IFT140: variants seen among roughly 807,000 people sequenced by gnomAD.
IFT140 encodes the protein intraflagellar transport protein 140 homolog.
A neutral mutation model predicts 164.6 loss-of-function variants in IFT140; 133 were observed. The observed-to-expected ratio is 0.81, with a 90% CI of 0.70 to 0.93. IFT140 has a LOEUF of 0.93. Ranked by LOEUF, IFT140 falls within the 40% of genes least tolerant of loss-of-function variation. The pLI, the probability that IFT140 is intolerant of heterozygous loss-of-function variation, is 0.00. For missense variants in IFT140, 2,045 were observed against 1,972.3 expected (o/e 1.04, Z -0.70); for synonymous variants, 860 against 817.3 (o/e 1.05, Z -0.89).
At chr16:1,599,800 G>T (rs1158609136) in intron 4 of IFT140, among the ~76,000 whole-genome samples, 1 of 77,366 alleles carries the variant, frequency 1.3e-5, no homozygotes, top group Non-Finnish European at 2.3e-5. Context: ...CCCCCCGCCC[G>T]GCCAGCCGCC....
chr16:1,544,679 C>T (rs959522563), intron 19 of IFT140, among the ~76,000 whole-genome samples: 10 of 151,728 alleles, frequency 6.6e-5, no homozygotes, highest in South Asian at 2.1e-4. Context: ...GATGGAGTCT[C>T]GCCCTGTGGC....
At chr16:1,557,421 C>T (rs1428310593) in intron 19 of IFT140, 1 of 156,320 alleles carries the variant, frequency 6.4e-6, no homozygotes, top group Non-Finnish European at 1.4e-5. Context: ...AGGCCACACC[C>T]TCCTTTTACC....
At chr16:1,605,474 C>T (rs1012340204) in intron 3 of IFT140, among the ~76,000 whole-genome samples, 9 of 152,082 alleles carry the variant, frequency 5.9e-5, no homozygotes, top group African/African-American at 1.9e-4. Flanking sequence ...GGCGTGATCT[C>T]GGCTCACAGC....
At chr16:1,611,771 G>A (rs1223292156) in intron 1 of IFT140, among the ~76,000 whole-genome samples, 197 bp downstream of exon 1, 15 of 148,218 alleles carry the variant, frequency 1.0e-4, no homozygotes, top group African/African-American at 3.5e-4. Flanking sequence ...CCAAGATTGC[G>A]CCACTGCACT....
At position 1,519,870 on chromosome 16, in the gene IFT140, C is replaced by T. The variant is rs144624901; in HGVS notation, c.4040+11G>A. On this transcript the variant is annotated intron_variant, in intron 29 of 30. Coordinates refer to ENST00000426508, the MANE Select transcript of IFT140 (RefSeq NM_014714.4). ...TGCCCTGGCCTGTCCCCGCTGGCCC[C>T]GGGGGCACACCTGCGGGCCTGGATG... 8,331 of 1,523,948 alleles carry T rather than the reference C, an allele frequency of 5.5e-3. 38 individuals carry two copies. Among genetic ancestry groups the T allele is most frequent in the Non-Finnish European group, 6.0e-3 (6,806 of 1,138,406 alleles). The allele number at this position is 1,523,948 out of a possible 1,614,324, so 94.4% of individuals were successfully genotyped here.
intron 4 of IFT140, among the ~76,000 whole-genome samples, chr16:1,593,423 T>C (rs976978203): frequency 6.6e-6 from 1 of 152,096 alleles, no homozygotes; most frequent in Non-Finnish European, 1.5e-5. Context: ...GCAATTCTCC[T>C]GCCTCAGCCT....
chr16:1,559,229 T>C (rs2033275119), intron 18 of IFT140, among the ~76,000 whole-genome samples: 1 of 152,166 alleles, frequency 6.6e-6, no homozygotes, highest in African/African-American at 2.4e-5. Flanking sequence ...AGGGAATTCC[T>C]GCCTGCTCTG....
intron 2 of IFT140, chr16:1,610,306 A>T (rs1444707850): frequency 6.5e-5 from 10 of 154,888 alleles, no homozygotes; most frequent in Non-Finnish European, 1.0e-4. Context: ...GAGTGACCAA[A>T]CATAGCATGT....
chr16:1,562,632 C>T (rs779482208), intron 17 of IFT140, among the ~76,000 whole-genome samples: 102 of 152,178 alleles, frequency 6.7e-4, no homozygotes, highest in Non-Finnish European at 1.1e-3. Flanking sequence ...ATTAGCCAGG[C>T]GTGGTGGTAG....
At chr16:1,526,117 A>G (rs1244953031) in intron 20 of IFT140, 40 bp from the exon 21 acceptor site, 1 of 1,526,826 alleles carries the variant, frequency 6.5e-7, no homozygotes. Flanking sequence ...CAGCCTCCAC[A>G]CACCCACGTC....
chr16:1,549,994 T>C (rs2032500498), intron 19 of IFT140, among the ~76,000 whole-genome samples: 1 of 152,200 alleles, frequency 6.6e-6, no homozygotes, highest in South Asian at 2.1e-4. Context: ...CTCTTTTTTG[T>C]CGCCCAGGCT....
chr16:1,553,079 G>A lies in IFT140; in HGVS notation c.2399+4856C>T. 1 of 985,458 alleles carries A rather than the reference G, an allele frequency of 1.0e-6. No individual in the cohort carries two copies. The highest frequency in any genetic ancestry group is 1.2e-6 in the Non-Finnish European group (1 of 829,942). 61.0% of individuals were successfully genotyped at this position (985,458 alleles called of 1,614,324 possible). Reference sequence around the variant, plus strand: ...CATTGTTCAGGACAAAATGGAGATAGATAAATGCTTAATTCATACTTTCTG... The same window carrying A: ...CATTGTTCAGGACAAAATGGAGATAAATAAATGCTTAATTCATACTTTCTG... On this transcript the variant is annotated intron_variant, in intron 19 of 30. Transcript: ENST00000426508. This position sits in a 1 kb window ranked among gnomAD's most constrained non-coding sequence, Gnocchi z 4.4.
intron 14 of IFT140, among the ~76,000 whole-genome samples, chr16:1,568,539 C>T (rs564254616): frequency 4.6e-5 from 7 of 152,294 alleles, no homozygotes; most frequent in South Asian, 4.1e-4. Context: ...CGAACAAGGA[C>T]GAATATGAGT....
At chr16:1,591,281 C>T (rs74815879) in intron 6 of IFT140, among the ~76,000 whole-genome samples, 3,351 of 152,262 alleles carry the variant, frequency 0.022, 122 homozygotes, top group African/African-American at 0.076. Flanking sequence ...CATCCTGGCA[C>T]GCCCCCTCCT....
rs1202463317 is a variant in IFT140, at chr16:1,528,336, CACACACACGCATGCACGCACGTGT to C, written c.2400-1564_2400-1541del. Among the ~76,000 whole-genome samples, 110 of 105,718 alleles carry C rather than the reference CACACACACGCATGCACGCACGTGT, an allele frequency of 1.0e-3. 2 individuals are homozygous for C. Among genetic ancestry groups the C allele is most frequent in the African/African-American group, 3.7e-3 (93 of 25,070 alleles). 69.4% of individuals were successfully genotyped at this position (105,718 alleles called of 152,430 possible). A position where few individuals can be genotyped will look rare whatever the true frequency, so the allele number is the denominator to read the frequency against. On this transcript the variant is annotated intron_variant, in intron 19 of 30. Coordinates refer to ENST00000426508, the MANE Select transcript of IFT140 (RefSeq NM_014714.4). ...ACACGCACGCATGCACGCACGTGTG[CACACACACGCATGCACGCACGTGT>C]GCACACACACGCATGCACGCACGTG... is the stretch of plus-strand genomic sequence containing the variant.
At chr16:1,521,482 G>A (rs1489335737) in intron 26 of IFT140, among the ~76,000 whole-genome samples, 5 of 152,062 alleles carry the variant, frequency 3.3e-5, no homozygotes, top group East Asian at 1.9e-4. Flanking sequence ...TCCACCTCCC[G>A]GGTTCAAGCC....
At chr16:1,582,405 TC>T (rs1431478104) in intron 12 of IFT140, among the ~76,000 whole-genome samples, 4 of 152,164 alleles carry the variant, frequency 2.6e-5, no homozygotes, top group Admixed American at 1.3e-4. Context: ...AAACGGGTTC[TC>T]CCCTGGGGCT....
rs2031572745 is a variant in IFT140, at chr16:1,540,928, TTGTC to T, written c.2400-14136_2400-14133del. On this transcript the variant is annotated intron_variant, in intron 19 of 30. Transcript: ENST00000426508. ...GGCTGAGTGTCTGTCAGCACACACA[TTGTC>T]TGCTCTGCAGCGTGCAGGGGCCTGG... is the stretch of plus-strand genomic sequence containing the variant. The T allele has an allele frequency of 1.7e-5, 17 of 985,180 alleles. 1 individual carries two copies. The South Asian group carries it at 7.0e-4, about 41-fold the overall frequency. 61.0% of individuals were successfully genotyped at this position (985,180 alleles called of 1,614,324 possible).
At chr16:1,512,923 CTG>C (rs1385287517) in intron 30 of IFT140, 2 of 152,270 alleles carry the variant, frequency 1.3e-5, no homozygotes, top group South Asian at 2.1e-4. Context: ...GCCAGGAAGT[CTG>C]TGTCTCACGG....
Sources: gnomAD v4.1 joint callset for allele counts (sites outside exome capture counted in the v4.1 genomes callset) on GRCh38, gnomAD v4.1.1 for gene constraint, Gnocchi (gnomAD v3.1) non-coding constraint, MANE v1.5 for transcripts, NCBI Gene and HGNC (gene_info 2026-07-23, HGNC 2026-07-21) for gene names.